Variants in USP48 observed in about 807,000 individuals in gnomAD.
The protein encoded by USP48 is ubiquitin carboxyl-terminal hydrolase 48.
USP48 carries 43 observed loss-of-function variants against 150.7 expected under a neutral mutation model. The observed-to-expected ratio is 0.29, with a 90% confidence interval of 0.22 to 0.37. The LOEUF is 0.37. Ranked by LOEUF, USP48 falls within the 10% of genes least tolerant of loss-of-function variation. USP48 has a pLI of 1.00. For missense variants in USP48, 813 were observed against 1,249.6 expected (o/e 0.65, Z 5.27); for synonymous variants, 396 against 425.9 (o/e 0.93, Z 0.86).
At chr1:21,769,007 T>C (rs1038101440) in intron 1 of USP48, among the ~76,000 whole-genome samples, 7 of 152,116 alleles carry the variant, frequency 4.6e-5, no homozygotes, top group Admixed American at 3.9e-4. Context: ...CGTCATGTAT[T>C]TAATTTTAAG....
chr1:21,758,209 C>CAA (rs891889203), intron 1 of USP48, among the ~76,000 whole-genome samples: 1 of 151,626 alleles, frequency 6.6e-6, no homozygotes, highest in African/African-American at 2.4e-5. Context: ...CACACACACA[C>CAA]ACACACACAC....
chr1:21,740,623 G>A (rs1402352791), intron 8 of USP48, among the ~76,000 whole-genome samples: 4 of 152,112 alleles, frequency 2.6e-5, no homozygotes, highest in Admixed American at 6.6e-5. Flanking sequence ...CCTAAGGAAT[G>A]AGTACCATCA....
intron 25 of USP48, chr1:21,686,186 C>G (rs76979943): frequency 6.6e-6 from 1 of 152,148 alleles, no homozygotes; most frequent in Admixed American, 6.5e-5. Flanking sequence ...ACTTATTTAT[C>G]TTGCCTAATT....
intron 15 of USP48, among the ~76,000 whole-genome samples, chr1:21,712,692 C>T (rs1419932312): frequency 6.7e-6 from 1 of 150,280 alleles, no homozygotes; most frequent in Non-Finnish European, 1.5e-5. Flanking sequence ...GCAGGGGTGC[C>T]ATCTTGGCTC....
rs1032009578 is a variant in USP48, at chr1:21,782,963, T to TGGCCCC, written c.-12_-7dup. Reference sequence around the variant, plus strand: ...AGCTGCAGCCGCGGGGCCATGGCCTTGGCCCCAGGAACGCCTCCCGAGCCA... The same window carrying TGGCCCC: ...AGCTGCAGCCGCGGGGCCATGGCCTTGGCCCCGGCCCCAGGAACGCCTCCCGAGCCA... On this transcript the variant is annotated 5_prime_UTR_variant, in exon 1 of 27. Transcript: ENST00000308271. The TGGCCCC allele has an allele frequency of 3.1e-5, 48 of 1,533,638 alleles. No individual in the cohort carries two copies. Among genetic ancestry groups the TGGCCCC allele is most frequent in the Non-Finnish European group, 4.0e-5 (46 of 1,143,868 alleles).
chr1:21,708,978 T>C (rs929085640), intron 15 of USP48, among the ~76,000 whole-genome samples: 17 of 150,198 alleles, frequency 1.1e-4, no homozygotes, highest in African/African-American at 3.9e-4. Flanking sequence ...GGCACGATCA[T>C]AGCTCACTGC....
intron 15 of USP48, among the ~76,000 whole-genome samples, chr1:21,709,336 G>A (rs2097683915): frequency 6.6e-6 from 1 of 151,916 alleles, no homozygotes; most frequent in South Asian, 2.1e-4. Context: ...CCTTCTGGGT[G>A]GGCTGTTAAT....
At chr1:21,758,592 AT>A (rs1248734615) in intron 1 of USP48, among the ~76,000 whole-genome samples, 1 of 152,020 alleles carries the variant, frequency 6.6e-6, no homozygotes, top group African/African-American at 2.4e-5. Flanking sequence ...TCTACTAAAA[AT>A]ACAAAAATTA....
At chr1:21,763,242 C>A (rs1006769383) in intron 1 of USP48, among the ~76,000 whole-genome samples, 1 of 152,176 alleles carries the variant, frequency 6.6e-6, no homozygotes, top group Admixed American at 6.6e-5. Context: ...CTAGGTATCA[C>A]TGAATACGTC....
chr1:21,679,837 G>A (rs1246168643), intron 26 of USP48, among the ~76,000 whole-genome samples: 1 of 152,148 alleles, frequency 6.6e-6, no homozygotes, highest in South Asian at 2.1e-4. Context: ...GAGATTACAG[G>A]CGCACGCCAC....
At chr1:21,723,481 G>A (rs1292056510) in intron 12 of USP48, among the ~76,000 whole-genome samples, 1 of 149,488 alleles carries the variant, frequency 6.7e-6, no homozygotes, top group Non-Finnish European at 1.5e-5. Context: ...GCCACTGCAC[G>A]CCAGCCTGGG....
intron 1 of USP48, among the ~76,000 whole-genome samples, chr1:21,767,754 A>C (rs892887757): frequency 6.6e-5 from 10 of 152,176 alleles, no homozygotes; most frequent in African/African-American, 2.4e-4. Flanking sequence ...TTTACTTAAA[A>C]CACTAAAGTA....
intron 6 of USP48, among the ~76,000 whole-genome samples, chr1:21,748,608 T>C (rs2097801283): frequency 6.6e-6 from 1 of 152,230 alleles, no homozygotes. Flanking sequence ...TGATGCAACA[T>C]TCATTTAAAG....
At chr1:21,732,719 G>A (rs752548225) in intron 9 of USP48, 32 of 338,704 alleles carry the variant, frequency 9.4e-5, no homozygotes, top group Non-Finnish European at 1.8e-4. Context: ...TAGTAGTACA[G>A]AAGAAAATAG....
At chr1:21,692,119 G>A (rs2097603678) in intron 23 of USP48, among the ~76,000 whole-genome samples, 1 of 152,082 alleles carries the variant, frequency 6.6e-6, no homozygotes, top group Non-Finnish European at 1.5e-5. Flanking sequence ...AACAGCACTG[G>A]CCTCCTCCCT....
intron 1 of USP48, 52 bp downstream of exon 1, chr1:21,782,772 C>A: frequency 6.7e-7 from 1 of 1,489,546 alleles, no homozygotes; most frequent in Non-Finnish European, 8.9e-7. Context: ...CCCGCCCGGG[C>A]TTTCCAAGGT....
At position 21,756,416 on chromosome 1, in the gene USP48, C is replaced by T. The variant is rs375614583; in HGVS notation, c.412+130G>A. 784 of 1,094,660 alleles carry T rather than the reference C, an allele frequency of 7.2e-4. 6 individuals are homozygous for T. The highest frequency in any genetic ancestry group is 3.6e-3 in the South Asian group (247 of 67,988). 67.8% of individuals were successfully genotyped at this position (1,094,660 alleles called of 1,614,324 possible). A position where few individuals can be genotyped will look rare whatever the true frequency, so the allele number is the denominator to read the frequency against. On this transcript the variant is annotated intron_variant, in intron 3 of 26. Transcript: ENST00000308271. ...GAATCGCTTCAGCCCAGGAGGCAGA[C>T]GTTGCAGTGAACCGAGATGGCGCCA...
At chr1:21,700,335 A>G (rs1231989734) in intron 22 of USP48, among the ~76,000 whole-genome samples, 1 of 152,106 alleles carries the variant, frequency 6.6e-6, no homozygotes, top group African/African-American at 2.4e-5. Flanking sequence ...AGGTTATTTT[A>G]TGAGCGCCAA....
Position 21,729,827 on chromosome 1 carries a change from G to T in USP48, c.1177C>A (p.Pro393Thr), listed in dbSNP as rs1193266036. ...QLGIEEDLAEPSKSQTRKPKC... is the reference protein window; with the variant it reads ...QLGIEEDLAETSKSQTRKPKC... ...GGTTTACGTGTCTGAGACTTAGAAG[G>T]TTCTGCTGAGATAGAGAAATCAAAA... The change falls in exon 10 of 27, where the codon CCT becomes ACT. Residue 393 changes from proline (P) to threonine (T), a missense_variant. Physicochemically the swap from Pro to Thr is conservative, Grantham distance 38. Coordinates refer to ENST00000308271, the MANE Select transcript of USP48 (RefSeq NM_032236.8). 1.2e-6 allele frequency: 2 copies of T among 1,613,880 alleles called. No individual in the cohort carries two copies. The highest frequency in any genetic ancestry group is 2.7e-5 in the African/African-American group (2 of 74,912).
Sources: gnomAD v4.1 joint callset for allele counts (sites outside exome capture counted in the v4.1 genomes callset) on GRCh38, gnomAD v4.1.1 for gene constraint, MANE v1.5 for transcripts, NCBI Gene and HGNC (gene_info 2026-07-23, HGNC 2026-07-21) for gene names.